TRPC7: variants seen among roughly 807,000 people sequenced by gnomAD.
The protein encoded by TRPC7 is short transient receptor potential channel 7.
TRPC7 carries 42 observed loss-of-function variants against 90.1 expected under a neutral mutation model. That is an observed-to-expected ratio of 0.47 (90% CI 0.36 to 0.60). The LOEUF (loss-of-function observed/expected upper bound fraction) is 0.60. Among genes scored for constraint, TRPC7 ranks in the 20% least tolerant of loss-of-function variants. The pLI is 0.00. For missense variants in TRPC7, 955 were observed against 1,112.3 expected (o/e 0.86, Z 2.01); for synonymous variants, 451 against 436.3 (o/e 1.03, Z -0.42).
Position 136,225,305 on chromosome 5 carries a change from T to C in TRPC7, c.2312A>G (p.Asn771Ser). 1.9e-6 allele frequency: 3 copies of C among 1,613,418 alleles called. No homozygotes were observed. The highest frequency in any genetic ancestry group is 2.5e-6 in the Non-Finnish European group (3 of 1,179,766). ...GMRNSENLTA[N>S]NTLSKPTRYQ... Reference sequence around the variant, plus strand: ...TCTGGTGGGCTTGCTCAAAGTGTTATTTGCTGTCAGATTTTCAGAATTCCT... The same window carrying C: ...TCTGGTGGGCTTGCTCAAAGTGTTACTTGCTGTCAGATTTTCAGAATTCCT... The change falls in exon 10 of 12, where the codon AAT becomes AGT. Residue 771 changes from asparagine to serine, a missense_variant. Transcript: ENST00000513104.
intron 7 of TRPC7, among the ~76,000 whole-genome samples, chr5:136,238,204 T>G (rs1039646753): frequency 1.3e-5 from 2 of 152,252 alleles, no homozygotes; most frequent in African/African-American, 4.8e-5. Context: ...ATGACTCTTC[T>G]GTACAGTGTC....
At chr5:136,330,865 C>T (rs1323593089) in intron 2 of TRPC7, among the ~76,000 whole-genome samples, 1 of 152,178 alleles carries the variant, frequency 6.6e-6, no homozygotes, top group Non-Finnish European at 1.5e-5. Context: ...CTCCACCACA[C>T]CCTTTTTGGA....
chr5:136,317,099 G>A (rs1042805946), intron 2 of TRPC7, among the ~76,000 whole-genome samples: 2 of 152,184 alleles, frequency 1.3e-5, no homozygotes, highest in African/African-American at 4.8e-5. Context: ...ATATTTTCAG[G>A]TGAGAGTAGC....
intron 3 of TRPC7, among the ~76,000 whole-genome samples, chr5:136,290,577 G>A (rs1238155708): frequency 2.0e-5 from 3 of 152,198 alleles, no homozygotes; most frequent in African/African-American, 7.2e-5. Context: ...GAAGCATGAA[G>A]AGAAGTTTAG....
At chr5:136,349,998 G>A (rs181195085) in intron 2 of TRPC7, among the ~76,000 whole-genome samples, 10 of 152,270 alleles carry the variant, frequency 6.6e-5, no homozygotes, top group Admixed American at 1.3e-4. Flanking sequence ...ACAGTGTTCA[G>A]TATAGTAACA....
chr5:136,303,325 A>T lies in TRPC7; in HGVS notation c.963+12272T>A, dbSNP rs190961369. ...TTCTCAAAATACATTTTATTACCCA[A>T]TCTGCTCCTGACATTAAATAAAACT... On this transcript the variant is annotated intron_variant, in intron 3 of 11. Coordinates refer to ENST00000513104, the MANE Select transcript of TRPC7 (RefSeq NM_020389.3). 3.4e-3 allele frequency among the ~76,000 whole-genome samples: 518 copies of T among 152,190 alleles called. 1 individual carries two copies. Among genetic ancestry groups the T allele is most frequent in the African/African-American group, 0.011 (477 of 41,510 alleles).
At chr5:136,284,370 C>T (rs2149820421) in intron 3 of TRPC7, among the ~76,000 whole-genome samples, 1 of 152,274 alleles carries the variant, frequency 6.6e-6, no homozygotes, top group African/African-American at 2.4e-5. Context: ...CAATTTTGGT[C>T]ATACTTTGAA....
chr5:136,341,160 G>A (rs1759832071), intron 2 of TRPC7, among the ~76,000 whole-genome samples: 1 of 152,152 alleles, frequency 6.6e-6, no homozygotes, highest in African/African-American at 2.4e-5. Context: ...AGTACAGAAA[G>A]TTGTACATAT....
intron 2 of TRPC7, among the ~76,000 whole-genome samples, chr5:136,346,966 A>G (rs539790267): frequency 6.6e-6 from 1 of 152,308 alleles, no homozygotes; most frequent in East Asian, 1.9e-4. Flanking sequence ...ATCCCAAATG[A>G]CTGGTGTCCT....
intron 3 of TRPC7, among the ~76,000 whole-genome samples, chr5:136,307,581 C>A (rs970721744): frequency 6.6e-6 from 1 of 152,192 alleles, no homozygotes; most frequent in Non-Finnish European, 1.5e-5. Context: ...CTGAAAACAG[C>A]CAAGAGGTTC....
At chr5:136,338,851 A>G (rs1759750994) in intron 2 of TRPC7, among the ~76,000 whole-genome samples, 1 of 152,184 alleles carries the variant, frequency 6.6e-6, no homozygotes, top group South Asian at 2.1e-4. Context: ...AACAACAACC[A>G]TGAATTGTTA....
At chr5:136,323,298 C>T (rs1022718632) in intron 2 of TRPC7, among the ~76,000 whole-genome samples, 1 of 152,158 alleles carries the variant, frequency 6.6e-6, no homozygotes, top group Non-Finnish European at 1.5e-5. Context: ...CATAAATTGC[C>T]CACTCTTGGG....
intron 2 of TRPC7, among the ~76,000 whole-genome samples, chr5:136,338,394 C>T (rs1271242306): frequency 2.6e-5 from 4 of 152,176 alleles, no homozygotes; most frequent in African/African-American, 7.2e-5. Flanking sequence ...TCTACAATAA[C>T]TAGAGCTTGT....
intron 2 of TRPC7, among the ~76,000 whole-genome samples, chr5:136,343,240 A>G (rs1759899196): frequency 6.6e-6 from 1 of 152,218 alleles, no homozygotes; most frequent in Non-Finnish European, 1.5e-5. Flanking sequence ...CCATTTCAAA[A>G]GCAAGGTTTT....
intron 2 of TRPC7, among the ~76,000 whole-genome samples, chr5:136,351,558 G>T (rs1413848568): frequency 6.6e-6 from 1 of 152,188 alleles, no homozygotes; most frequent in African/African-American, 2.4e-5. Context: ...CCAGGTGGGG[G>T]CCTTTCCCCA....
chr5:136,285,635 A>T (rs1273562089), intron 3 of TRPC7, among the ~76,000 whole-genome samples: 1 of 152,202 alleles, frequency 6.6e-6, no homozygotes, highest in Non-Finnish European at 1.5e-5. Context: ...TATAGCAAAG[A>T]CACTACCCTC....
Position 136,225,351 on chromosome 5 carries a change from T to C in TRPC7, c.2266A>G (p.Thr756Ala), listed in dbSNP as rs1376160871. 1 of 1,612,292 alleles carries C rather than the reference T, an allele frequency of 6.2e-7. No homozygotes were observed. Among genetic ancestry groups the C allele is most frequent in the East Asian group, 2.2e-5 (1 of 44,838 alleles). The change falls in exon 10 of 12, where the codon ACT (threonine) becomes GCT (alanine). Residue 756 changes from threonine to alanine, a missense_variant. Coordinates refer to ENST00000513104, the MANE Select transcript of TRPC7 (RefSeq NM_020389.3). Reference sequence around the variant, plus strand: ...TTCCTCATGCCAGCCTGGTAGCGAGTCTTCTGGATAAAACAAACAAACCCA... The same window carrying C: ...TTCCTCATGCCAGCCTGGTAGCGAGCCTTCTGGATAAAACAAACAAACCCA... ...MGMLNSKFKK[T>A]RYQAGMRNSE...
chr5:136,255,624 C>A (rs978352482), intron 5 of TRPC7, among the ~76,000 whole-genome samples: 3 of 152,168 alleles, frequency 2.0e-5, no homozygotes, highest in Non-Finnish European at 4.4e-5. Context: ...TTGTAGTGGT[C>A]TGAAACTGAA....
intron 5 of TRPC7, among the ~76,000 whole-genome samples, chr5:136,260,890 T>G (rs1032069188): frequency 1.3e-5 from 2 of 152,232 alleles, no homozygotes; most frequent in Non-Finnish European, 2.9e-5. Flanking sequence ...ACTCTAGAGT[T>G]GCTTCTGATA....
Sources: allele counts gnomAD v4.1 joint callset (sites outside exome capture counted in the v4.1 genomes callset), GRCh38; gene constraint gnomAD v4.1.1; transcripts MANE v1.5; gene names NCBI Gene and HGNC (gene_info 2026-07-23, HGNC 2026-07-21).